Variants in DPYD observed in about 807,000 individuals in gnomAD.
The protein encoded by DPYD is dihydropyrimidine dehydrogenase, also known as dihydropyrimidine dehydrogenase [NADP(+)].
Under a neutral mutation model 116.2 loss-of-function variants are expected in DPYD, and 109 were observed. The ratio of observed to expected loss-of-function variants is 0.94; its 90% CI spans 0.80 to 1.10. DPYD has a LOEUF of 1.10. Among genes scored for constraint, DPYD ranks in the 50% least tolerant of loss-of-function variants. The pLI is 0.00. For missense variants in DPYD, 1,302 were observed against 1,254.5 expected (o/e 1.04, Z -0.57); for synonymous variants, 440 against 432.0 (o/e 1.02, Z -0.23).
At chr1:97,419,872 A>G (rs1674488242) in intron 14 of DPYD, 1 of 152,222 alleles carries the variant, frequency 6.6e-6, no homozygotes, top group Admixed American at 6.5e-5. Context: ...AAGAATGTAC[A>G]AATTTATAAT....
At chr1:97,763,384 A>C (rs1310049078) in intron 3 of DPYD, among the ~76,000 whole-genome samples, 1 of 151,958 alleles carries the variant, frequency 6.6e-6, no homozygotes, top group Non-Finnish European at 1.5e-5. Flanking sequence ...TTAATTGCAC[A>C]ATACAAACTT....
chr1:97,178,509 C>T (rs72965890), intron 20 of DPYD, among the ~76,000 whole-genome samples: 2 of 152,046 alleles, frequency 1.3e-5, no homozygotes, highest in African/African-American at 4.8e-5. Flanking sequence ...TATCAGATCT[C>T]GTGAGAACTC....
intron 8 of DPYD, among the ~76,000 whole-genome samples, chr1:97,634,783 CA>C (rs1571099281): frequency 6.6e-6 from 1 of 151,840 alleles, no homozygotes; most frequent in East Asian, 1.9e-4. Flanking sequence ...TTCTGCAAGG[CA>C]TATAGAATAG....
At position 97,457,538 on chromosome 1, in the gene DPYD, T is replaced by C. The variant is rs76308210; in HGVS notation, c.1741-7315A>G. 5.5e-3 allele frequency among the ~76,000 whole-genome samples: 839 copies of C among 152,248 alleles called. 6 individuals carry two copies. The highest frequency in any genetic ancestry group is 0.019 in the African/African-American group (804 of 41,550). ...CTGCCGATCCGGATAACCATCACTCTGTCACAGAGAAGTTGTAGGATAGTA... is the reference window on the plus strand; with the variant it reads ...CTGCCGATCCGGATAACCATCACTCCGTCACAGAGAAGTTGTAGGATAGTA... On this transcript the variant is annotated intron_variant, in intron 13 of 22. Transcript: ENST00000370192.
rs557018746 is a variant in DPYD at position 97,249,104 on chromosome 1, A to C, written c.2300-14110T>G. ...TGAAGAAACTGATAAGCTGATTCTT[A>C]ACATTATTTAAAAATACAAAGGATG... On this transcript the variant is annotated intron_variant, in intron 18 of 22. Coordinates refer to ENST00000370192, the MANE Select transcript of DPYD (RefSeq NM_000110.4). Among the ~76,000 whole-genome samples the C allele has an allele frequency of 4.6e-5, 7 of 152,340 alleles. No homozygotes were observed. The South Asian group carries it at 1.4e-3, about 32-fold the overall frequency.
At chr1:97,825,737 G>A (rs1036811984) in intron 3 of DPYD, among the ~76,000 whole-genome samples, 9 of 151,830 alleles carry the variant, frequency 5.9e-5, no homozygotes, top group African/African-American at 9.7e-5. Context: ...TAACCTGCAC[G>A]TTGTGCACAT....
chr1:97,744,923 C>A (rs1664464240), intron 3 of DPYD, among the ~76,000 whole-genome samples: 1 of 151,986 alleles, frequency 6.6e-6, no homozygotes, highest in Admixed American at 6.6e-5. Flanking sequence ...TGCTTCCAGA[C>A]CCTATCATAA....
At chr1:97,319,391 A>G (rs1387892764) in intron 16 of DPYD, among the ~76,000 whole-genome samples, 1 of 132,784 alleles carries the variant, frequency 7.5e-6, no homozygotes, top group Non-Finnish European at 1.6e-5. Flanking sequence ...AAAAAATGAT[A>G]AAGGGGATAT....
intron 2 of DPYD, among the ~76,000 whole-genome samples, chr1:97,871,950 C>A (rs992015981): frequency 6.6e-6 from 1 of 151,814 alleles, no homozygotes; most frequent in Non-Finnish European, 1.5e-5. Context: ...GAATACTATG[C>A]ACATTGACTC....
intron 13 of DPYD, among the ~76,000 whole-genome samples, chr1:97,489,598 C>G (rs1678854876): frequency 6.6e-6 from 1 of 152,148 alleles, no homozygotes; most frequent in Admixed American, 6.5e-5. Context: ...CCTGGTTACT[C>G]CTGTCCTATT....
chr1:97,411,359 C>T (rs1373073536), intron 14 of DPYD, among the ~76,000 whole-genome samples: 2 of 151,924 alleles, frequency 1.3e-5, no homozygotes, highest in Non-Finnish European at 2.9e-5. Flanking sequence ...TTCTGCTCTC[C>T]TTCCTCCCAC....
intron 3 of DPYD, among the ~76,000 whole-genome samples, chr1:97,805,667 G>A (rs1668045809): frequency 6.6e-6 from 1 of 151,542 alleles, no homozygotes; most frequent in East Asian, 1.9e-4. Context: ...ATTTTTTAGA[G>A]GCATAAGAGA....
intron 18 of DPYD, among the ~76,000 whole-genome samples, chr1:97,256,744 AT>A (rs1292956406): frequency 6.6e-6 from 1 of 151,946 alleles, no homozygotes; most frequent in Non-Finnish European, 1.5e-5. Flanking sequence ...TTTATCTCCC[AT>A]CTTTACCTTA....
intron 20 of DPYD, among the ~76,000 whole-genome samples, chr1:97,107,758 CTG>C (rs1651279968): frequency 6.6e-6 from 1 of 152,102 alleles, no homozygotes; most frequent in Non-Finnish European, 1.5e-5. Flanking sequence ...CTGATAGACT[CTG>C]TGCTATCCTG....
At chr1:97,448,306 G>A (rs1238996858) in intron 14 of DPYD, among the ~76,000 whole-genome samples, 3 of 152,176 alleles carry the variant, frequency 2.0e-5, no homozygotes, top group Non-Finnish European at 2.9e-5. Context: ...CAAATTTCAA[G>A]TTCAAATTCT....
At chr1:97,492,434 C>T (rs1468506551) in intron 13 of DPYD, among the ~76,000 whole-genome samples, 1 of 152,100 alleles carries the variant, frequency 6.6e-6, no homozygotes, top group Non-Finnish European at 1.5e-5. Flanking sequence ...ACTCTACTCC[C>T]TATTCACATA....
intron 20 of DPYD, among the ~76,000 whole-genome samples, chr1:97,181,267 G>A (rs760309341): frequency 1.3e-5 from 2 of 152,118 alleles, no homozygotes; most frequent in African/African-American, 4.8e-5. Context: ...GAGGCTTACA[G>A]GACTTCACAA....
intron 14 of DPYD, among the ~76,000 whole-genome samples, chr1:97,391,028 A>T (rs1169268083): frequency 6.8e-6 from 1 of 147,764 alleles, no homozygotes; most frequent in East Asian, 2.1e-4. Context: ...TGAGCTTTGG[A>T]GATACCACTT....
intron 19 of DPYD, among the ~76,000 whole-genome samples, chr1:97,198,065 A>G (rs1658937793): frequency 6.6e-6 from 1 of 152,166 alleles, no homozygotes. Flanking sequence ...TTGCACATTG[A>G]TATTTTCTTT....
Sources: allele counts gnomAD v4.1 joint callset (sites outside exome capture counted in the v4.1 genomes callset), GRCh38; gene constraint gnomAD v4.1.1; transcripts MANE v1.5; gene names NCBI Gene and HGNC (gene_info 2026-07-23, HGNC 2026-07-21).